The following TUBB3 variants were observed in gnomAD, a reference collection of about 807,000 sequenced individuals.
The protein encoded by TUBB3 is tubulin beta-3 chain.
A neutral mutation model predicts 37.8 loss-of-function variants in TUBB3; 17 were observed. The observed-to-expected ratio is 0.45, with a 90% confidence interval of 0.31 to 0.67. The LOEUF (loss-of-function observed/expected upper bound fraction) is 0.67, where lower values mean the gene tolerates loss of function less well. Among genes scored for constraint, TUBB3 ranks in the 30% least tolerant of loss-of-function variants. TUBB3 has a pLI of 0.07. For missense variants in TUBB3, 262 were observed against 657.9 expected (o/e 0.40, Z 6.58); for synonymous variants, 332 against 278.9 (o/e 1.19, Z -1.90).
rs1567764836 is a variant in TUBB3 at position 89,934,709 on chromosome 16, C to CCCCT, written c.278-18_278-15dup. The CCCCT allele has an allele frequency of 1.9e-6, 3 of 1,612,446 alleles. No individual in the cohort carries two copies. The highest frequency in any genetic ancestry group is 2.5e-6 in the Non-Finnish European group (3 of 1,178,670). On this transcript the variant is annotated intron_variant, in intron 3 of 3. Transcript: ENST00000315491. Reference sequence around the variant, plus strand: ...CAGAGTCCCTGGCCCCTGTCTCTTACCCCTCTTCTCCCTGTACAGGTCAGA... The same window carrying CCCCT: ...CAGAGTCCCTGGCCCCTGTCTCTTACCCCTCCCTCTTCTCCCTGTACAGGTCAGA...
rs2030436451 is a variant in TUBB3 at position 89,935,803 on chromosome 16, G to A, written c.1352G>A (p.Ter451=). 6.2e-7 allele frequency: 1 copy of A among 1,612,246 alleles called. No individual in the cohort carries two copies. Among genetic ancestry groups the A allele is most frequent in the Admixed American group, 1.7e-5 (1 of 59,814 alleles). The stretch of plus-strand genomic sequence containing the variant: ...GAGTCGGAGGCCCAGGGCCCCAAGT[G>A]AAGCTGCTCGCAGCTGGAGTGAGAG... The part of the protein sequence containing the change: ...EEESEAQGPK[*] The change falls in exon 4 of 4, where the codon TGA becomes TAA. Residue 451 remains the stop codon, a stop_retained_variant. Transcript: ENST00000315491.
At chr16:89,929,304 A>G (rs1409547286) in intron 1 of TUBB3, among the ~76,000 whole-genome samples, 1 of 152,188 alleles carries the variant, frequency 6.6e-6, no homozygotes, top group African/African-American at 2.4e-5. Flanking sequence ...CAAAAAGAAT[A>G]AAACTTAGCA....
chr16:89,935,851 G>A lies in TUBB3; in HGVS notation c.*47G>A, dbSNP rs746472371. The A allele has an allele frequency of 1.7e-5, 27 of 1,579,654 alleles. No homozygotes were observed. In the East Asian group the frequency reaches 3.7e-4, roughly 22 times the overall value. On this transcript the variant is annotated 3_prime_UTR_variant, in exon 4 of 4. Transcript: ENST00000315491. ...GAGGCAGGTGGCGGCCGGGGCCGAA[G>A]CCAGCAGTGTCTAAACCCCCGGAGC... is the stretch of plus-strand genomic sequence containing the variant.
intron 3 of TUBB3, chr16:89,934,184 C>T (rs937054715): frequency 6.3e-5 from 22 of 346,882 alleles, no homozygotes; most frequent in African/African-American, 2.8e-4. Context: ...TGTCCTGGGG[C>T]GGGGCCGTGG....
chr16:89,933,045 C>T, intron 2 of TUBB3: 2 of 466,798 alleles, frequency 4.3e-6, no homozygotes, highest in Admixed American at 3.1e-5. Context: ...AAGTGATTTC[C>T]ATATCAAAGT....
intron 1 of TUBB3, among the ~76,000 whole-genome samples, chr16:89,928,504 A>G (rs1044521575): frequency 1.9e-4 from 27 of 145,034 alleles, no homozygotes; most frequent in Non-Finnish European, 6.0e-5. Context: ...GATTACAGGC[A>G]CCCGTCACCA....
At chr16:89,931,919 G>A (rs577693563) in intron 1 of TUBB3, 3 of 358,680 alleles carry the variant, frequency 8.4e-6, no homozygotes, top group East Asian at 7.6e-5. Context: ...AGCCTCACAC[G>A]GACAGGCTGG....
intron 1 of TUBB3, among the ~76,000 whole-genome samples, chr16:89,926,584 T>C (rs2030094593): frequency 6.6e-6 from 1 of 152,232 alleles, no homozygotes; most frequent in Non-Finnish European, 1.5e-5. Flanking sequence ...GTTTTTGTTT[T>C]TGGTTATGAG....
intron 1 of TUBB3, among the ~76,000 whole-genome samples, 193 bp downstream of exon 1, chr16:89,923,651 C>T (rs912050295): frequency 6.6e-5 from 10 of 152,198 alleles, no homozygotes; most frequent in Non-Finnish European, 1.2e-4. Context: ...CTGCCCCTGC[C>T]CAGGTGACCT....
intron 1 of TUBB3, among the ~76,000 whole-genome samples, chr16:89,928,020 G>A (rs2030147422): frequency 1.3e-5 from 2 of 152,180 alleles, no homozygotes; most frequent in South Asian, 4.1e-4. Context: ...AGGGAGGCAA[G>A]CAGTAGGTGG....
chr16:89,925,856 C>G (rs2030057509), intron 1 of TUBB3, among the ~76,000 whole-genome samples: 1 of 152,192 alleles, frequency 6.6e-6, no homozygotes, highest in South Asian at 2.1e-4. Context: ...GTCGGGGTGA[C>G]TCGAGGCCGG....
At chr16:89,926,530 C>G (rs112286834) in intron 1 of TUBB3, among the ~76,000 whole-genome samples, 3 of 152,238 alleles carry the variant, frequency 2.0e-5, no homozygotes, top group South Asian at 2.1e-4. Flanking sequence ...GCGCCCGGGC[C>G]GAGCGCCTGG....
intron 1 of TUBB3, among the ~76,000 whole-genome samples, chr16:89,926,264 G>T (rs1488998236): frequency 1.3e-5 from 2 of 152,184 alleles, no homozygotes; most frequent in East Asian, 3.9e-4. Flanking sequence ...TGCGGGGCGG[G>T]GCTGGGGGCG....
chr16:89,935,432 C>T lies in TUBB3; in HGVS notation c.981C>T (p.Asp327=), dbSNP rs775854497. 10 of 1,614,204 alleles carry T rather than the reference C, an allele frequency of 6.2e-6. No homozygotes were observed. The highest frequency in any genetic ancestry group is 1.6e-4 in the Middle Eastern group (1 of 6,062). Reference sequence around the variant, plus strand: ...GCCGCATGTCCATGAAGGAGGTGGACGAGCAGATGCTGGCCATCCAGAGCA... The same window carrying T: ...GCCGCATGTCCATGAAGGAGGTGGATGAGCAGATGCTGGCCATCCAGAGCA... ...FRGRMSMKEV[D]EQMLAIQSKN... Residue 327 remains aspartate (D), a synonymous_variant, in exon 4 of 4, where the codon GAC becomes GAT. Transcript: ENST00000315491.
chr16:89,923,264 T>G, upstream of TUBB3: 4 of 538,156 alleles, frequency 7.4e-6, no homozygotes, highest in Non-Finnish European at 1.1e-5. Context: ...CGCCTCCCGA[T>G]TGGCCACCCG....
At chr16:89,925,449 A>G (rs1040249211) in intron 1 of TUBB3, among the ~76,000 whole-genome samples, 1 of 145,840 alleles carries the variant, frequency 6.9e-6, no homozygotes, top group Non-Finnish European at 1.5e-5. Context: ...AAAAAAAATT[A>G]GCCTGGCGTG....
At chr16:89,927,808 TG>T (rs1219552618) in intron 1 of TUBB3, among the ~76,000 whole-genome samples, 3 of 152,224 alleles carry the variant, frequency 2.0e-5, no homozygotes, top group African/African-American at 7.2e-5. Flanking sequence ...TCTGCTCCAT[TG>T]CTCCTGCTGC....
Position 89,935,841 on chromosome 16 carries a change from C to CG in TUBB3, c.*41dup. 6.3e-7 allele frequency: 1 copy of CG among 1,592,682 alleles called. No homozygotes were observed. Among genetic ancestry groups the CG allele is most frequent in the Non-Finnish European group, 8.6e-7 (1 of 1,169,022 alleles). On this transcript the variant is annotated 3_prime_UTR_variant, in exon 4 of 4. Coordinates refer to ENST00000315491, the MANE Select transcript of TUBB3 (RefSeq NM_006086.4). ...GCTGGAGTGAGAGGCAGGTGGCGGC[C>CG]GGGGCCGAAGCCAGCAGTGTCTAAA...
chr16:89,922,622 G>GGATGCGT (rs2029922028), upstream of TUBB3: 4 of 151,978 alleles, frequency 2.6e-5, no homozygotes, highest in Non-Finnish European at 5.9e-5. Flanking sequence ...GATGCGCACC[G>GGATGCGT]GGCAGTGGCA....
Sources: gnomAD v4.1 joint callset for allele counts (sites outside exome capture counted in the v4.1 genomes callset) on GRCh38, gnomAD v4.1.1 for gene constraint, MANE v1.5 for transcripts, NCBI Gene and HGNC (gene_info 2026-07-23, HGNC 2026-07-21) for gene names.